Variants in TNR observed in about 807,000 individuals in gnomAD.
TNR encodes tenascin R, also known as tenascin-R.
Under a neutral mutation model 150.4 loss-of-function variants are expected in TNR, and 45 were observed. The ratio of observed to expected loss-of-function variants is 0.30; its 90% confidence interval spans 0.24 to 0.38. The LOEUF (loss-of-function observed/expected upper bound fraction) is 0.38. Among genes scored for constraint, TNR ranks in the 10% least tolerant of loss-of-function variants. TNR has a pLI of 1.00. For synonymous variants in TNR, 687 were observed against 678.4 expected, an observed-to-expected ratio of 1.01 and a Z score of -0.20; for missense variants, 1,544 against 1,759.1, an observed-to-expected ratio of 0.88 and a Z score of 2.19.
chr1:175,332,192 C>T (rs1460633630), intron 20 of TNR, among the ~76,000 whole-genome samples: 1 of 152,200 alleles, frequency 6.6e-6, no homozygotes, highest in Non-Finnish European at 1.5e-5. Context: ...CTCTCTCCCA[C>T]CATGCCTTGG....
At chr1:175,377,379 T>A (rs1652444681) in intron 9 of TNR, among the ~76,000 whole-genome samples, 1 of 152,008 alleles carries the variant, frequency 6.6e-6, no homozygotes, top group South Asian at 2.1e-4. Context: ...TTTATATAAC[T>A]GCTAATTACC....
At chr1:175,364,148 T>A (rs553711293) in intron 12 of TNR, among the ~76,000 whole-genome samples, 1 of 151,216 alleles carries the variant, frequency 6.6e-6, no homozygotes, top group South Asian at 2.1e-4. Context: ...GGGAGAAACA[T>A]AGGCATTTTC....
chr1:175,625,099 G>T (rs1032725539), intron 1 of TNR, among the ~76,000 whole-genome samples: 1 of 152,206 alleles, frequency 6.6e-6, no homozygotes, highest in East Asian at 1.9e-4. Flanking sequence ...AGGGAAGAAG[G>T]GACCTCTACT....
chr1:175,354,792 A>C (rs889241407), intron 17 of TNR, among the ~76,000 whole-genome samples: 4 of 152,192 alleles, frequency 2.6e-5, no homozygotes, highest in African/African-American at 9.6e-5. Context: ...TTCAGATTGC[A>C]CTGTACTTGC....
intron 1 of TNR, among the ~76,000 whole-genome samples, chr1:175,613,245 T>C (rs1355304786): frequency 6.6e-6 from 1 of 152,168 alleles, no homozygotes; most frequent in Non-Finnish European, 1.5e-5. Flanking sequence ...TCTGAGTCTC[T>C]GTAGCTAGGT....
chr1:175,548,388 A>C (rs1660798810), intron 1 of TNR, among the ~76,000 whole-genome samples: 1 of 152,068 alleles, frequency 6.6e-6, no homozygotes, highest in East Asian at 1.9e-4. Context: ...CTGCACGAGG[A>C]GTCTCCTCGA....
chr1:175,719,365 G>C (rs1434663805), intron 1 of TNR, among the ~76,000 whole-genome samples: 2 of 152,190 alleles, frequency 1.3e-5, no homozygotes, highest in African/African-American at 4.8e-5. Context: ...ATTGAAAAGT[G>C]TGCACAGTGG....
At chr1:175,721,540 C>G (rs930237284) in intron 1 of TNR, among the ~76,000 whole-genome samples, 11 of 152,110 alleles carry the variant, frequency 7.2e-5, no homozygotes, top group Non-Finnish European at 8.8e-5. Flanking sequence ...TCTTGAAACC[C>G]GTTAGCTGTA....
chr1:175,421,444 TAGAA>T (rs1200392381), intron 2 of TNR, among the ~76,000 whole-genome samples: 2 of 152,208 alleles, frequency 1.3e-5, no homozygotes, highest in African/African-American at 2.4e-5. Context: ...ATTCACTAAA[TAGAA>T]AGCCCAAAGC....
chr1:175,729,370 C>T (rs955685752), intron 1 of TNR, among the ~76,000 whole-genome samples: 10 of 152,048 alleles, frequency 6.6e-5, no homozygotes, highest in Non-Finnish European at 5.9e-5. Flanking sequence ...AAATAAGCCA[C>T]AGTTAGAGCA....
intron 1 of TNR, among the ~76,000 whole-genome samples, chr1:175,538,357 A>G (rs1351590323): frequency 6.6e-6 from 1 of 152,236 alleles, no homozygotes; most frequent in African/African-American, 2.4e-5. Context: ...GAGAAAAAAA[A>G]GGTTGAAGAT....
chr1:175,617,017 C>T (rs1424340019), intron 1 of TNR, among the ~76,000 whole-genome samples: 1 of 152,198 alleles, frequency 6.6e-6, no homozygotes, highest in Non-Finnish European at 1.5e-5. Context: ...TCTACTCTTT[C>T]CACCACTCCC....
At chr1:175,738,614 A>G (rs1180592724) in intron 1 of TNR, among the ~76,000 whole-genome samples, 1 of 152,246 alleles carries the variant, frequency 6.6e-6, no homozygotes, top group Non-Finnish European at 1.5e-5. Flanking sequence ...CATACAATGT[A>G]AATGTACTTA....
intron 9 of TNR, among the ~76,000 whole-genome samples, chr1:175,371,883 G>A (rs145834186): frequency 0.015 from 2,301 of 152,236 alleles, 30 homozygotes; most frequent in South Asian, 0.026. Flanking sequence ...TAAGCAACTT[G>A]GAATTCGAGA....
At chr1:175,501,256 A>G (rs980515330) in intron 2 of TNR, among the ~76,000 whole-genome samples, 1 of 152,228 alleles carries the variant, frequency 6.6e-6, no homozygotes, top group Non-Finnish European at 1.5e-5. Context: ...GACAGCCAAA[A>G]TATAAAAAAT....
chr1:175,547,609 GAAAC>G (rs1164892720), intron 1 of TNR, among the ~76,000 whole-genome samples: 786 of 23,110 alleles, frequency 0.034, 18 homozygotes, highest in African/African-American at 0.049. Context: ...AAGAAAGAAA[GAAAC>G]AAAGAAACAA....
chr1:175,548,808 T>A (rs926923198), intron 1 of TNR, among the ~76,000 whole-genome samples: 7 of 152,194 alleles, frequency 4.6e-5, no homozygotes, highest in Non-Finnish European at 1.0e-4. Context: ...AAACCACCTT[T>A]TAGTCATGAC....
intron 1 of TNR, among the ~76,000 whole-genome samples, chr1:175,547,815 A>C (rs1264595343): frequency 6.6e-6 from 1 of 152,184 alleles, no homozygotes; most frequent in South Asian, 2.1e-4. Flanking sequence ...GCTATAGCAT[A>C]GGTGTATGGG....
intron 2 of TNR, among the ~76,000 whole-genome samples, chr1:175,468,500 G>A (rs1302794396): frequency 6.6e-6 from 1 of 152,192 alleles, no homozygotes; most frequent in Non-Finnish European, 1.5e-5. Context: ...ATCCCAAGGA[G>A]CGTAGAATGT....
Sources: gnomAD v4.1 joint callset for allele counts (sites outside exome capture counted in the v4.1 genomes callset) on GRCh38, gnomAD v4.1.1 for gene constraint, MANE v1.5 for transcripts, NCBI Gene and HGNC (gene_info 2026-07-23, HGNC 2026-07-21) for gene names.